The following MB21D2 variants were observed in gnomAD, a reference collection of about 807,000 sequenced individuals.
MB21D2 encodes Mab-21 domain containing 2.
Under a neutral mutation model 33.3 loss-of-function variants are expected in MB21D2, and 9 were observed. The observed-to-expected ratio is 0.27, with a 90% CI of 0.16 to 0.47. MB21D2 has a LOEUF of 0.47. Ranked by LOEUF, MB21D2 falls within the 20% of genes least tolerant of loss-of-function variation. The pLI, the probability that MB21D2 is intolerant of heterozygous loss-of-function variation, is 0.99. For synonymous variants in MB21D2, 241 were observed against 236.3 expected (o/e 1.02, Z -0.18); for missense variants, 540 against 624.6 (o/e 0.86, Z 1.44).
intron 1 of MB21D2, among the ~76,000 whole-genome samples, chr3:192,908,223 T>C (rs898050486): frequency 6.6e-6 from 1 of 152,096 alleles, no homozygotes; most frequent in Non-Finnish European, 1.5e-5. Flanking sequence ...GGAAGAGCTC[T>C]TTTAAAGAGT....
At chr3:192,862,509 C>T (rs937333733) in intron 1 of MB21D2, among the ~76,000 whole-genome samples, 2 of 152,096 alleles carry the variant, frequency 1.3e-5, no homozygotes, top group African/African-American at 4.8e-5. Context: ...AGAGGCTGGG[C>T]GACCATTTAG....
At chr3:192,910,256 A>C (rs1479704648) in intron 1 of MB21D2, among the ~76,000 whole-genome samples, 1 of 150,222 alleles carries the variant, frequency 6.7e-6, no homozygotes, top group East Asian at 1.9e-4. Context: ...ACTTGAGCCC[A>C]AGAGTTCAAG....
At chr3:192,878,561 G>A (rs945038264) in intron 1 of MB21D2, among the ~76,000 whole-genome samples, 26 of 152,142 alleles carry the variant, frequency 1.7e-4, no homozygotes, top group Non-Finnish European at 2.5e-4. Flanking sequence ...AGCAAGTGAG[G>A]ACTTTGAATG....
At chr3:192,806,138 G>T (rs1009607888) in intron 1 of MB21D2, among the ~76,000 whole-genome samples, 1 of 152,200 alleles carries the variant, frequency 6.6e-6, no homozygotes, top group Non-Finnish European at 1.5e-5. Flanking sequence ...TCTCACCCAG[G>T]TACCCCATGG....
intron 1 of MB21D2, among the ~76,000 whole-genome samples, chr3:192,818,015 T>G (rs1160470633): frequency 2.7e-5 from 4 of 150,614 alleles, no homozygotes; most frequent in Admixed American, 2.0e-4. Context: ...TCCCCAAGCC[T>G]CTACTTGTTC....
intron 1 of MB21D2, among the ~76,000 whole-genome samples, chr3:192,838,371 A>C (rs1236887516): frequency 6.6e-6 from 1 of 152,080 alleles, no homozygotes; most frequent in African/African-American, 2.4e-5. Flanking sequence ...CACTAGGCCC[A>C]ACCCACCTTC....
At chr3:192,863,136 T>C (rs546334866) in intron 1 of MB21D2, among the ~76,000 whole-genome samples, 2 of 152,224 alleles carry the variant, frequency 1.3e-5, no homozygotes, top group African/African-American at 4.8e-5. Context: ...AGGCAGAAAC[T>C]GAAGTGTTGC....
chr3:192,885,899 A>T (rs1260237871), intron 1 of MB21D2, among the ~76,000 whole-genome samples: 2 of 152,138 alleles, frequency 1.3e-5, no homozygotes, highest in Non-Finnish European at 2.9e-5. Context: ...CACACACATC[A>T]CAAATGGCTC....
chr3:192,822,963 G>A (rs141539199), intron 1 of MB21D2, among the ~76,000 whole-genome samples: 3 of 152,288 alleles, frequency 2.0e-5, no homozygotes, highest in African/African-American at 7.2e-5. Flanking sequence ...TTACAGGACA[G>A]TCTGGCCATC....
At chr3:192,902,826 A>G (rs575617234) in intron 1 of MB21D2, among the ~76,000 whole-genome samples, 5 of 152,332 alleles carry the variant, frequency 3.3e-5, no homozygotes, top group Admixed American at 2.6e-4. Flanking sequence ...GGCCGGTCCT[A>G]TAGTCCAGAG....
At chr3:192,856,070 A>G (rs1712910689) in intron 1 of MB21D2, among the ~76,000 whole-genome samples, 1 of 152,206 alleles carries the variant, frequency 6.6e-6, no homozygotes, top group Non-Finnish European at 1.5e-5. Context: ...AAGTAAATAA[A>G]AACTTAATAA....
chr3:192,834,040 T>C (rs1277218373), intron 1 of MB21D2, among the ~76,000 whole-genome samples: 1 of 152,176 alleles, frequency 6.6e-6, no homozygotes, highest in African/African-American at 2.4e-5. Flanking sequence ...CATTCATCTT[T>C]GAATTGCAGG....
intron 1 of MB21D2, among the ~76,000 whole-genome samples, chr3:192,855,452 A>G (rs139993456): frequency 1.3e-5 from 2 of 152,202 alleles, no homozygotes; most frequent in African/African-American, 4.8e-5. Context: ...GTTATTGTAC[A>G]CTTAATACAG....
At chr3:192,804,161 T>C (rs917178527) in intron 1 of MB21D2, among the ~76,000 whole-genome samples, 29 of 152,320 alleles carry the variant, frequency 1.9e-4, no homozygotes, top group African/African-American at 4.8e-4. Context: ...TGATTATCTT[T>C]AGAATATCAA....
intron 1 of MB21D2, among the ~76,000 whole-genome samples, chr3:192,917,004 TAAGAG>T (rs1390185104): frequency 2.0e-5 from 3 of 152,212 alleles, no homozygotes; most frequent in Non-Finnish European, 4.4e-5. Context: ...GATCGCTTCA[TAAGAG>T]AAGTCAATTT....
intron 1 of MB21D2, among the ~76,000 whole-genome samples, chr3:192,813,761 T>TA (rs1435711796): frequency 3.3e-5 from 5 of 152,170 alleles, no homozygotes; most frequent in Admixed American, 3.3e-4. Flanking sequence ...GAAGGAAAGA[T>TA]AGAGGGATCA....
At chr3:192,854,146 G>A (rs975248694) in intron 1 of MB21D2, among the ~76,000 whole-genome samples, 2 of 152,232 alleles carry the variant, frequency 1.3e-5, no homozygotes, top group Non-Finnish European at 2.9e-5. Flanking sequence ...TTAGTGAGGA[G>A]AGCATGTCAA....
intron 1 of MB21D2, among the ~76,000 whole-genome samples, chr3:192,892,872 T>C (rs891108720): frequency 1.3e-5 from 2 of 152,210 alleles, no homozygotes; most frequent in African/African-American, 2.4e-5. Context: ...CATAGAATTA[T>C]GTACAAAAGG....
chr3:192,864,317 T>C (rs559921600), intron 1 of MB21D2, among the ~76,000 whole-genome samples: 1 of 152,162 alleles, frequency 6.6e-6, no homozygotes, highest in Non-Finnish European at 1.5e-5. Flanking sequence ...CCCCAGTTTG[T>C]GTGTGAACTG....
Sources: gnomAD v4.1 joint callset for allele counts (sites outside exome capture counted in the v4.1 genomes callset) on GRCh38, gnomAD v4.1.1 for gene constraint, MANE v1.5 for transcripts, NCBI Gene and HGNC (gene_info 2026-07-23, HGNC 2026-07-21) for gene names.